PTPRM: variants seen among roughly 807,000 people sequenced by gnomAD.
PTPRM encodes protein tyrosine phosphatase receptor type M.
PTPRM carries 47 observed loss-of-function variants against 186.7 expected under a neutral mutation model. The ratio of observed to expected loss-of-function variants is 0.25; its 90% confidence interval spans 0.20 to 0.32. PTPRM has a LOEUF of 0.32. Ranked by LOEUF, PTPRM falls within the 10% of genes least tolerant of loss-of-function variation. The pLI, the probability that PTPRM is intolerant of heterozygous loss-of-function variation, is 1.00. For synonymous variants in PTPRM, 668 were observed against 674.9 expected (o/e 0.99, Z 0.16); for missense variants, 1,494 against 1,865.0 (o/e 0.80, Z 3.66).
intron 1 of PTPRM, among the ~76,000 whole-genome samples, chr18:7,721,401 T>C: frequency 6.6e-6 from 1 of 152,158 alleles, no homozygotes; most frequent in Non-Finnish European, 1.5e-5. Context: ...TTGTAAGTAT[T>C]TTCTCTCATT....
intron 14 of PTPRM, among the ~76,000 whole-genome samples, chr18:8,195,715 A>G (rs1292338102): frequency 6.6e-6 from 1 of 152,172 alleles, no homozygotes; most frequent in Non-Finnish European, 1.5e-5. Context: ...AGAGGGTGGA[A>G]TAATAGACAT....
chr18:7,853,625 A>C (rs2046966386), intron 2 of PTPRM, among the ~76,000 whole-genome samples: 1 of 152,224 alleles, frequency 6.6e-6, no homozygotes, highest in Non-Finnish European at 1.5e-5. Context: ...TCTTCTTCTC[A>C]AACAGTTATT....
At chr18:7,679,462 C>T (rs995803816) in intron 1 of PTPRM, among the ~76,000 whole-genome samples, 1 of 151,782 alleles carries the variant, frequency 6.6e-6, no homozygotes, top group Non-Finnish European at 1.5e-5. Context: ...GTCATGAGTT[C>T]GAGACTAGCC....
chr18:8,142,451 G>T (rs1337450229), intron 13 of PTPRM, among the ~76,000 whole-genome samples: 1 of 151,970 alleles, frequency 6.6e-6, no homozygotes, highest in East Asian at 1.9e-4. Flanking sequence ...GTTCCCAAAG[G>T]ACACAAAAAA....
intron 5 of PTPRM, among the ~76,000 whole-genome samples, chr18:7,936,602 G>A (rs998838799): frequency 8.5e-5 from 13 of 152,190 alleles, no homozygotes; most frequent in African/African-American, 3.1e-4. Flanking sequence ...GTGCCCCTCA[G>A]CATGAACAGC....
At chr18:8,315,694 A>G (rs1160803234) in intron 21 of PTPRM, among the ~76,000 whole-genome samples, 1 of 152,176 alleles carries the variant, frequency 6.6e-6, no homozygotes, top group African/African-American at 2.4e-5. Context: ...ATCCATATAT[A>G]TGGATTGTTT....
chr18:8,394,920 C>G (rs2095838532), intron 32 of PTPRM, among the ~76,000 whole-genome samples: 1 of 152,066 alleles, frequency 6.6e-6, no homozygotes, highest in African/African-American at 2.4e-5. Flanking sequence ...TTAGTCTTCA[C>G]AGAGAAGAAA....
At chr18:8,310,643 A>G (rs575901323) in intron 20 of PTPRM, among the ~76,000 whole-genome samples, 1 of 152,128 alleles carries the variant, frequency 6.6e-6, no homozygotes, top group South Asian at 2.1e-4. Flanking sequence ...GTCAGGACCC[A>G]TGCCATTCAC....
intron 14 of PTPRM, among the ~76,000 whole-genome samples, chr18:8,199,434 G>T (rs377518704): frequency 1.3e-5 from 2 of 152,146 alleles, no homozygotes; most frequent in Admixed American, 6.5e-5. Context: ...ATTGCAAAAG[G>T]ATAGTGCGCT....
At chr18:8,124,884 C>T (rs780978437) in intron 13 of PTPRM, among the ~76,000 whole-genome samples, 5 of 152,050 alleles carry the variant, frequency 3.3e-5, no homozygotes, top group Non-Finnish European at 7.4e-5. Flanking sequence ...ACATCTTGCC[C>T]CTAAAAATCC....
chr18:7,938,004 C>A (rs1208549291), intron 5 of PTPRM, among the ~76,000 whole-genome samples: 1 of 152,134 alleles, frequency 6.6e-6, no homozygotes, highest in Non-Finnish European at 1.5e-5. Flanking sequence ...CTACTTCAGA[C>A]CTAGAATTGG....
intron 2 of PTPRM, among the ~76,000 whole-genome samples, chr18:7,826,556 A>T (rs190359001): frequency 7.9e-5 from 12 of 152,376 alleles, no homozygotes; most frequent in Non-Finnish European, 7.3e-5. Context: ...AAAAGCAGAA[A>T]GAAATTAAAG....
chr18:8,275,143 G>A (rs2094818866), intron 19 of PTPRM, among the ~76,000 whole-genome samples: 1 of 152,190 alleles, frequency 6.6e-6, no homozygotes, highest in African/African-American at 2.4e-5. Context: ...AAATGGAAAT[G>A]TAGGTTTCAA....
At chr18:8,126,446 G>A (rs1234986514) in intron 13 of PTPRM, among the ~76,000 whole-genome samples, 4 of 151,866 alleles carry the variant, frequency 2.6e-5, no homozygotes, top group East Asian at 3.9e-4. Context: ...GCATAATTTC[G>A]ATCACCCATT....
At chr18:8,063,674 C>T (rs1228725251) in intron 7 of PTPRM, among the ~76,000 whole-genome samples, 1 of 152,064 alleles carries the variant, frequency 6.6e-6, no homozygotes, top group Non-Finnish European at 1.5e-5. Context: ...TACAGTCATG[C>T]AATATGGATA....
chr18:8,097,856 A>T (rs1006678921), intron 11 of PTPRM, among the ~76,000 whole-genome samples: 21 of 152,372 alleles, frequency 1.4e-4, no homozygotes, highest in African/African-American at 5.0e-4. Context: ...ACCATCACTC[A>T]GGAGCATTAA....
intron 1 of PTPRM, among the ~76,000 whole-genome samples, chr18:7,657,919 A>C (rs1443728712): frequency 2.0e-5 from 3 of 152,192 alleles, no homozygotes; most frequent in Admixed American, 2.0e-4. Context: ...CTGAGGTATA[A>C]CTAGCAAATA....
chr18:8,229,068 C>T (rs545430758), intron 14 of PTPRM, among the ~76,000 whole-genome samples: 2 of 152,174 alleles, frequency 1.3e-5, no homozygotes, highest in South Asian at 4.2e-4. Flanking sequence ...GTCTGTCTGT[C>T]TGTCATGCCT....
At chr18:8,212,655 T>A (rs6506558) in intron 14 of PTPRM, among the ~76,000 whole-genome samples, 102,809 of 151,854 alleles carry the variant, frequency 0.68, 35,417 homozygotes, top group East Asian at 0.86. Context: ...AAAATTTTTT[T>A]AATTAGCTGA....
Sources: gnomAD v4.1 joint callset for allele counts (sites outside exome capture counted in the v4.1 genomes callset) on GRCh38, gnomAD v4.1.1 for gene constraint, MANE v1.5 for transcripts, NCBI Gene and HGNC (gene_info 2026-07-23, HGNC 2026-07-21) for gene names.